Variants in KPNA3 observed in about 807,000 individuals in gnomAD.
KPNA3 encodes the protein karyopherin subunit alpha 3.
A neutral mutation model predicts 73.8 loss-of-function variants in KPNA3; 13 were observed. The ratio of observed to expected loss-of-function variants is 0.18; its 90% CI spans 0.11 to 0.28. The LOEUF (loss-of-function observed/expected upper bound fraction) is 0.28. Ranked by LOEUF, KPNA3 falls within the 10% of genes least tolerant of loss-of-function variation. The pLI, the probability that KPNA3 is intolerant of heterozygous loss-of-function variation, is 1.00. For synonymous variants in KPNA3, 186 were observed against 206.9 expected (o/e 0.90, Z 0.87); for missense variants, 360 against 618.1 (o/e 0.58, Z 4.43).
At chr13:49,708,848 A>G (rs1378520328) in intron 12 of KPNA3, among the ~76,000 whole-genome samples, 1 of 152,192 alleles carries the variant, frequency 6.6e-6, no homozygotes, top group East Asian at 1.9e-4. Flanking sequence ...GAAATCTTAA[A>G]AAGAGTAATT....
chr13:49,775,245 A>C (rs955038387), intron 1 of KPNA3, among the ~76,000 whole-genome samples: 43 of 151,980 alleles, frequency 2.8e-4, no homozygotes, highest in African/African-American at 9.4e-4. Flanking sequence ...CAATATACTA[A>C]AGAATTTATT....
At chr13:49,753,718 T>C (rs946266159) in intron 1 of KPNA3, among the ~76,000 whole-genome samples, 6 of 152,196 alleles carry the variant, frequency 3.9e-5, no homozygotes, top group Non-Finnish European at 5.9e-5. Flanking sequence ...TAGATTCTCA[T>C]AGAAACACAA....
At chr13:49,783,621 A>G (rs1016870772) in intron 1 of KPNA3, among the ~76,000 whole-genome samples, 13 of 152,208 alleles carry the variant, frequency 8.5e-5, no homozygotes, top group African/African-American at 3.1e-4. Context: ...GAGTGGTGTC[A>G]GTCATAGAAA....
In KPNA3 at chr13:49,706,328, T is replaced by C. The variant is rs779466479; in HGVS notation, c.1077A>G (p.Gln359=). 6.2e-7 allele frequency: 1 copy of C among 1,614,176 alleles called. No homozygotes were observed. The highest frequency in any genetic ancestry group is 2.2e-5 in the East Asian group (1 of 44,868). The change falls in exon 13 of 17, where the codon CAA becomes CAG. Residue 359 remains glutamine (Q), a synonymous_variant. Coordinates refer to ENST00000261667, the MANE Select transcript of KPNA3 (RefSeq NM_002267.4). ...FLSNITAGNQ[Q]QVQAVIDAGL... is the part of the protein sequence containing the mutation. Reference sequence around the variant, plus strand: ...CAGCATCTATTACAGCTTGAACTTGTTGCTGGTTGCCTGCTGTTATGTTGG... The same window carrying C: ...CAGCATCTATTACAGCTTGAACTTGCTGCTGGTTGCCTGCTGTTATGTTGG...
chr13:49,745,723 G>A (rs1039393747), intron 2 of KPNA3, among the ~76,000 whole-genome samples: 1 of 151,790 alleles, frequency 6.6e-6, no homozygotes, highest in Non-Finnish European at 1.5e-5. Flanking sequence ...TCTAACCTAA[G>A]ACAAACACCA....
At chr13:49,751,444 T>C (rs2137572971) in intron 1 of KPNA3, among the ~76,000 whole-genome samples, 1 of 152,320 alleles carries the variant, frequency 6.6e-6, no homozygotes, top group African/African-American at 2.4e-5. Flanking sequence ...TCTCCTTCCA[T>C]GCACTGAATC....
At chr13:49,713,518 C>G (rs1397492378) in intron 10 of KPNA3, among the ~76,000 whole-genome samples, 2 of 151,886 alleles carry the variant, frequency 1.3e-5, no homozygotes, top group African/African-American at 4.8e-5. Context: ...TTACCTAAGT[C>G]AGAAACATTA....
intron 1 of KPNA3, among the ~76,000 whole-genome samples, chr13:49,771,707 A>C (rs953251981): frequency 7.2e-5 from 11 of 152,172 alleles, no homozygotes; most frequent in Admixed American, 1.3e-4. Context: ...ACTGCTCATC[A>C]TAGTAACACA....
At chr13:49,736,553 T>C (rs1248861015) in intron 2 of KPNA3, among the ~76,000 whole-genome samples, 1 of 152,232 alleles carries the variant, frequency 6.6e-6, no homozygotes, top group Non-Finnish European at 1.5e-5. Flanking sequence ...TATAAGAATA[T>C]GGAGAGATCC....
intron 1 of KPNA3, among the ~76,000 whole-genome samples, chr13:49,764,066 CAAAAAAAA>C (rs11301654): frequency 1.3e-5 from 1 of 79,966 alleles, no homozygotes; most frequent in Admixed American, 1.4e-4. Flanking sequence ...GACCCTGTCT[CAAAAAAAA>C]AAAAAAAAAA....
Position 49,722,524 on chromosome 13 carries a change from T to C in KPNA3, c.509A>G (p.His170Arg). 4 of 1,612,042 alleles carry C rather than the reference T, an allele frequency of 2.5e-6. No homozygotes were observed. Among genetic ancestry groups the C allele is most frequent in the African/African-American group, 1.3e-5 (1 of 75,010 alleles). The change falls in exon 8 of 17, where the codon CAT (histidine) becomes CGT (arginine). Residue 170 changes from histidine to arginine, a missense_variant. His to Arg is a conservative substitution (Grantham distance 29, BLOSUM62 0). Around this residue, in one of 3 missense-constraint regions of KPNA3, gnomAD observed 287 missense variants for 549.1 expected, o/e 0.52. Transcript: ENST00000261667. ...TACTGCTTGTTCACAAACATTCTGA[T>C]GTGGTGAACGAAGAAGTCTCAGAAA... is the stretch of plus-strand genomic sequence containing the variant. ...PLFLRLLRSP[H>R]QNVCEQAVWA...
chr13:49,709,734 A>G (rs1262338244), intron 11 of KPNA3, 34 bp from the exon 12 acceptor site: 1 of 1,592,370 alleles, frequency 6.3e-7, no homozygotes, highest in Non-Finnish European at 8.5e-7. Flanking sequence ...CTATAAATTT[A>G]TTTGCTTATA....
intron 9 of KPNA3, 101 bp from the exon 10 acceptor site, chr13:49,719,920 G>A (rs2273816): frequency 0.14 from 101,002 of 730,954 alleles, 8,081 homozygotes; most frequent in South Asian, 0.24. Context: ...TTTGTAGGGC[G>A]AGAAAGACAA....
At chr13:49,779,616 C>CCTAGTCAA (rs1205393758) in intron 1 of KPNA3, among the ~76,000 whole-genome samples, 1 of 152,160 alleles carries the variant, frequency 6.6e-6, no homozygotes. Context: ...TTCAGTTTAG[C>CCTAGTCAA]CTAGTCAACA....
At chr13:49,782,553 T>C (rs544362168) in intron 1 of KPNA3, among the ~76,000 whole-genome samples, 1 of 152,262 alleles carries the variant, frequency 6.6e-6, no homozygotes, top group East Asian at 1.9e-4. Context: ...TTATAATCTT[T>C]GGCACCTAAT....
intron 12 of KPNA3, 24 bp from the exon 13 acceptor site, chr13:49,706,396 C>A (rs775367296): frequency 3.4e-6 from 5 of 1,484,092 alleles, no homozygotes; most frequent in Non-Finnish European, 4.7e-6. Context: ...AAATATAGGG[C>A]ACCTTTATTT....
chr13:49,720,582 C>A (rs1247717618), intron 9 of KPNA3, among the ~76,000 whole-genome samples: 1 of 151,914 alleles, frequency 6.6e-6, no homozygotes. Flanking sequence ...ATGGTGAAAA[C>A]CCATTTCTAC....
intron 2 of KPNA3, among the ~76,000 whole-genome samples, chr13:49,733,282 G>GTCTTT (rs1954487008): frequency 9.9e-6 from 1 of 100,918 alleles, no homozygotes; most frequent in Non-Finnish European, 1.9e-5. Context: ...CCACTGTGGT[G>GTCTTT]TTTTTTTTTT....
At chr13:49,791,481 A>T (rs904659807) in intron 1 of KPNA3, among the ~76,000 whole-genome samples, 2 of 152,214 alleles carry the variant, frequency 1.3e-5, no homozygotes, top group Admixed American at 1.3e-4. Context: ...TAATGAGACA[A>T]TGGCAACATG....
Sources: allele counts gnomAD v4.1 joint callset (sites outside exome capture counted in the v4.1 genomes callset), GRCh38; gene constraint gnomAD v4.1.1; regional missense constraint gnomAD v4.1.1; transcripts MANE v1.5; gene names NCBI Gene and HGNC (gene_info 2026-07-23, HGNC 2026-07-21).